NALF1: variants seen among roughly 807,000 people sequenced by gnomAD.
NALF1 encodes the protein NALCN channel auxiliary factor 1.
In NALF1, 3 loss-of-function variants were observed where a neutral mutation model predicts 48.4. The ratio of observed to expected loss-of-function variants is 0.06; its 90% CI spans 0.03 to 0.16. The LOEUF is 0.16. Ranked by LOEUF, NALF1 falls within the 10% of genes least tolerant of loss-of-function variation. The probability of loss-of-function intolerance (pLI) is 1.00; values close to 1 mark genes in which losing one functional copy is unlikely to be tolerated. For synonymous variants in NALF1, 262 were observed against 245.7 expected, an observed-to-expected ratio of 1.07 and a Z score of -0.62; for missense variants, 526 against 571.5, an observed-to-expected ratio of 0.92 and a Z score of 0.81.
intron 1 of NALF1, among the ~76,000 whole-genome samples, chr13:107,794,794 C>T (rs570398143): frequency 1.3e-5 from 2 of 152,116 alleles, no homozygotes; most frequent in South Asian, 2.1e-4. Flanking sequence ...TTTTATCTGT[C>T]CTTTTTGAGT....
chr13:107,816,975 G>A (rs1245104023), intron 1 of NALF1, among the ~76,000 whole-genome samples: 1 of 152,168 alleles, frequency 6.6e-6, no homozygotes, highest in Non-Finnish European at 1.5e-5. Context: ...GGATTTTGGA[G>A]AATTTAATAT....
chr13:107,648,697 C>A (rs1412543265), intron 1 of NALF1, among the ~76,000 whole-genome samples: 2 of 152,122 alleles, frequency 1.3e-5, no homozygotes, highest in Non-Finnish European at 2.9e-5. Flanking sequence ...TGAGAACATA[C>A]CAAGAAGACT....
intron 1 of NALF1, among the ~76,000 whole-genome samples, chr13:107,841,717 T>G (rs931133203): frequency 2.6e-5 from 4 of 152,066 alleles, no homozygotes; most frequent in African/African-American, 9.7e-5. Context: ...AAATCACATT[T>G]CACAAAGACT....
intron 2 of NALF1, among the ~76,000 whole-genome samples, chr13:107,202,716 T>C (rs1234548743): frequency 6.6e-6 from 1 of 152,186 alleles, no homozygotes; most frequent in Non-Finnish European, 1.5e-5. Flanking sequence ...GACATGTTTG[T>C]TGAACAATGA....
At chr13:107,739,146 C>G (rs1876553812) in intron 1 of NALF1, among the ~76,000 whole-genome samples, 2 of 151,902 alleles carry the variant, frequency 1.3e-5, no homozygotes, top group South Asian at 2.1e-4. Flanking sequence ...ACATCACACA[C>G]CAGGGCCTGT....
chr13:107,620,700 G>A (rs974173354), intron 1 of NALF1, among the ~76,000 whole-genome samples: 11 of 152,128 alleles, frequency 7.2e-5, no homozygotes, highest in South Asian at 2.1e-4. Context: ...CAACCTACAC[G>A]TGACAGATAT....
At chr13:107,772,539 T>C (rs16971094) in intron 1 of NALF1, among the ~76,000 whole-genome samples, 2,942 of 152,310 alleles carry the variant, frequency 0.019, 102 homozygotes, top group African/African-American at 0.067. Flanking sequence ...TCAGGAGTTA[T>C]ATAAATGCTA....
chr13:107,721,423 CCTACAGATGG>C (rs1875983184), intron 1 of NALF1, among the ~76,000 whole-genome samples: 4 of 152,116 alleles, frequency 2.6e-5, no homozygotes, highest in African/African-American at 9.7e-5. Context: ...AGAGTCAATA[CCTACAGATGG>C]ATTTTCAATG....
intron 1 of NALF1, among the ~76,000 whole-genome samples, chr13:107,824,504 G>A (rs755549910): frequency 6.6e-6 from 1 of 152,160 alleles, no homozygotes; most frequent in Non-Finnish European, 1.5e-5. Context: ...CAAAGCCTGG[G>A]GAAATGGTCC....
chr13:107,685,607 C>A (rs1881414723), intron 1 of NALF1, among the ~76,000 whole-genome samples: 1 of 152,150 alleles, frequency 6.6e-6, no homozygotes. Context: ...AAATGAAGAG[C>A]AGTCTTTTAT....
At chr13:107,628,953 G>C (rs1323574742) in intron 1 of NALF1, among the ~76,000 whole-genome samples, 1 of 152,016 alleles carries the variant, frequency 6.6e-6, no homozygotes, top group Non-Finnish European at 1.5e-5. Context: ...ATGCCTTTTT[G>C]TATGTTATTA....
chr13:107,286,427 G>C (rs1032602038), intron 1 of NALF1, among the ~76,000 whole-genome samples: 2 of 151,896 alleles, frequency 1.3e-5, no homozygotes, highest in African/African-American at 2.4e-5. Flanking sequence ...ATGCCAGGGA[G>C]TTTGAGATCA....
At chr13:107,804,748 G>T (rs755442714) in intron 1 of NALF1, among the ~76,000 whole-genome samples, 2 of 152,200 alleles carry the variant, frequency 1.3e-5, no homozygotes, top group South Asian at 4.1e-4. Context: ...ATAATCTTTA[G>T]AATTCAATAT....
intron 1 of NALF1, among the ~76,000 whole-genome samples, chr13:107,361,433 C>T (rs531450761): frequency 2.2e-4 from 33 of 151,634 alleles, no homozygotes; most frequent in Admixed American, 8.6e-4. Context: ...AGACAGTACA[C>T]GCGGTAAAAT....
chr13:107,784,634 A>G (rs1016805954), intron 1 of NALF1, among the ~76,000 whole-genome samples: 2 of 152,236 alleles, frequency 1.3e-5, no homozygotes, highest in African/African-American at 4.8e-5. Flanking sequence ...AATAGCCAAC[A>G]AACATATGAA....
rs1347301738 is a variant in NALF1, at chr13:107,866,678, G to C, written c.-82C>G. 1 of 1,187,976 alleles carries C rather than the reference G, an allele frequency of 8.4e-7. No homozygotes were observed. Among genetic ancestry groups the C allele is most frequent in the Non-Finnish European group, 1.2e-6 (1 of 845,938 alleles). The allele number at this position is 1,187,976 out of a possible 1,614,324, so 73.6% of individuals were successfully genotyped here. On this transcript the variant is annotated 5_prime_UTR_variant, in exon 1 of 3. Coordinates refer to ENST00000375915, the MANE Select transcript of NALF1 (RefSeq NM_001080396.3). This position sits in a 1 kb window ranked among gnomAD's most constrained non-coding sequence, Gnocchi z 4.4. ...CACCACAATATGCATTGACTTAAAG[G>C]GTTTAATTTCCTTATCCCCTCCTCC...
intron 1 of NALF1, among the ~76,000 whole-genome samples, chr13:107,631,404 A>G (rs976919690): frequency 6.6e-6 from 1 of 152,186 alleles, no homozygotes; most frequent in Non-Finnish European, 1.5e-5. Flanking sequence ...ATAATGAGTC[A>G]TATATTTTAA....
At chr13:107,447,405 C>T (rs16970136) in intron 1 of NALF1, among the ~76,000 whole-genome samples, 2,969 of 152,168 alleles carry the variant, frequency 0.02, 103 homozygotes, top group African/African-American at 0.068. Context: ...TTCAACAAAA[C>T]CTATCATTCT....
intron 1 of NALF1, among the ~76,000 whole-genome samples, chr13:107,519,584 A>AC (rs772582307): frequency 2.2e-4 from 34 of 152,150 alleles, no homozygotes; most frequent in Non-Finnish European, 7.3e-5. Flanking sequence ...GAAGCTGTTA[A>AC]ACAATAGCTG....
Sources: allele counts gnomAD v4.1 joint callset (sites outside exome capture counted in the v4.1 genomes callset), GRCh38; gene constraint gnomAD v4.1.1; non-coding constraint Gnocchi (gnomAD v3.1); transcripts MANE v1.5; gene names NCBI Gene and HGNC (gene_info 2026-07-23, HGNC 2026-07-21).